LRRIQ1: variants seen among roughly 807,000 people sequenced by gnomAD.
LRRIQ1 encodes the protein leucine-rich repeat- and IQ domain-containing protein 1.
LRRIQ1 carries 210 observed loss-of-function variants against 211.9 expected under a neutral mutation model. That is an observed-to-expected ratio of 0.99 (90% CI 0.89 to 1.11). LRRIQ1 has a LOEUF of 1.11. Among genes scored for constraint, LRRIQ1 ranks in the 50% most tolerant of loss-of-function variants. The probability of loss-of-function intolerance (pLI) is 0.00; values close to 1 mark genes in which losing one functional copy is unlikely to be tolerated. For synonymous variants in LRRIQ1, 699 were observed against 650.1 expected, an observed-to-expected ratio of 1.08 and a Z score of -1.14; for missense variants, 2,136 against 1,939.5, an observed-to-expected ratio of 1.10 and a Z score of -1.90.
intron 1 of LRRIQ1, among the ~76,000 whole-genome samples, chr12:85,256,009 G>A (rs2137316674): frequency 6.6e-6 from 1 of 151,662 alleles, no homozygotes; most frequent in African/African-American, 2.4e-5. Context: ...TTAACAACTT[G>A]TTACTATCCT....
At chr12:85,104,878 G>T (rs1260402029) in intron 14 of LRRIQ1, among the ~76,000 whole-genome samples, 1 of 152,036 alleles carries the variant, frequency 6.6e-6, no homozygotes, top group African/African-American at 2.4e-5. Context: ...TTCCAAAGTA[G>T]TTGGAACATT....
intron 11 of LRRIQ1, among the ~76,000 whole-genome samples, chr12:85,078,933 CAA>C (rs948591738): frequency 2.6e-5 from 4 of 152,104 alleles, no homozygotes; most frequent in African/African-American, 9.7e-5. Flanking sequence ...GTTTTCTAAA[CAA>C]AGAGTTATAC....
At position 85,179,961 on chromosome 12, in the gene LRRIQ1, C is replaced by T. The variant is rs1315534837; in HGVS notation, c.4822+19247C>T. ...AACATAGTAGCTGTATTAGATTCAT[C>T]TATACTAGGCACTCAATAAGTGTTT... On this transcript the variant is annotated intron_variant, in intron 24 of 26. Transcript: ENST00000393217. Among the ~76,000 whole-genome samples, 4 of 152,048 alleles carry T rather than the reference C, an allele frequency of 2.6e-5. No individual in the cohort carries two copies. In the South Asian group the frequency reaches 8.3e-4, roughly 32 times the overall value.
chr12:85,079,855 A>G (rs1884081076), intron 11 of LRRIQ1, among the ~76,000 whole-genome samples: 1 of 151,766 alleles, frequency 6.6e-6, no homozygotes, highest in South Asian at 2.1e-4. Context: ...TTATTTTTCT[A>G]TTCTTTTAGG....
intron 23 of LRRIQ1, among the ~76,000 whole-genome samples, chr12:85,156,457 C>T (rs1890549910): frequency 6.6e-6 from 1 of 151,730 alleles, no homozygotes; most frequent in African/African-American, 2.4e-5. Context: ...GAACTTATTT[C>T]ATTTTGTATC....
intron 24 of LRRIQ1, among the ~76,000 whole-genome samples, chr12:85,213,368 G>A (rs1301691733): frequency 6.6e-6 from 1 of 151,858 alleles, no homozygotes; most frequent in African/African-American, 2.4e-5. Context: ...CTAAGAAGTA[G>A]CAAATTCCAC....
chr12:85,092,699 A>C (rs1885515268), intron 11 of LRRIQ1, among the ~76,000 whole-genome samples: 1 of 152,208 alleles, frequency 6.6e-6, no homozygotes, highest in Non-Finnish European at 1.5e-5. Flanking sequence ...TGTCACATGG[A>C]GACCAAGCAC....
At position 85,150,058 on chromosome 12, in the gene LRRIQ1, G is replaced by A. The variant is rs140206911; in HGVS notation, c.4330-2222G>A. Among the ~76,000 whole-genome samples, 107 of 151,794 alleles carry A rather than the reference G, an allele frequency of 7.0e-4. 1 individual carries two copies. Among genetic ancestry groups the A allele is most frequent in the Middle Eastern group, 3.4e-3 (1 of 294 alleles). ...TCCTGCTGAAGAGAGAAAACAGCTG[G>A]ATTTCTAGAGAATATAAAAAGTAGA... On this transcript the variant is annotated intron_variant, in intron 19 of 26. Coordinates refer to ENST00000393217, the MANE Select transcript of LRRIQ1 (RefSeq NM_001079910.2).
chr12:85,087,263 G>T (rs1592768331), intron 11 of LRRIQ1, among the ~76,000 whole-genome samples: 2 of 152,082 alleles, frequency 1.3e-5, no homozygotes. Flanking sequence ...CCCTACAAAG[G>T]ACATGAACTC....
At chr12:85,076,479 A>C (rs1361785803) in intron 11 of LRRIQ1, 2 of 234,102 alleles carry the variant, frequency 8.5e-6, no homozygotes, top group Non-Finnish European at 1.4e-5. Context: ...CAATTTATAA[A>C]TTTCACATCA....
intron 26 of LRRIQ1, among the ~76,000 whole-genome samples, chr12:85,239,792 A>G (rs1895381026): frequency 6.6e-6 from 1 of 152,040 alleles, no homozygotes; most frequent in Non-Finnish European, 1.5e-5. Flanking sequence ...AGCCTGGTCA[A>G]CATGATGAAA....
rs750032687 is a variant in LRRIQ1, at chr12:85,040,582, G to A, written c.225G>A (p.Leu75=). ...KAVEELILQD[L]EDTDILSCSY... ...TTGAAGAGCTCATTCTTCAGGACCT[G>A]GAAGATACTGATATTTTAAGTAAGT... Residue 75 remains leucine, a synonymous_variant, in exon 3 of 27, where the codon CTG becomes CTA. Coordinates refer to ENST00000393217, the MANE Select transcript of LRRIQ1 (RefSeq NM_001079910.2). 6.3e-6 allele frequency: 10 copies of A among 1,583,396 alleles called. No individual in the cohort carries two copies. The Admixed American group carries it at 8.5e-5, about 13-fold the overall frequency.
At chr12:85,171,792 T>C (rs1259462164) in intron 24 of LRRIQ1, among the ~76,000 whole-genome samples, 1 of 152,106 alleles carries the variant, frequency 6.6e-6, no homozygotes, top group Non-Finnish European at 1.5e-5. Context: ...CAAGCACATA[T>C]GAAGAGAAGG....
rs574123074 is a variant in LRRIQ1, at chr12:85,041,874, T to C, written c.244+1273T>C. ...GACATGAAGAAATATGGTCATATTC[T>C]GGACATTATTTTAAGGTAGAAAGAG... On this transcript the variant is annotated intron_variant, in intron 3 of 26. Transcript: ENST00000393217. Among the ~76,000 whole-genome samples, 29 of 151,964 alleles carry C rather than the reference T, an allele frequency of 1.9e-4. No individual in the cohort carries two copies. In the South Asian group the frequency reaches 5.4e-3, roughly 28 times the overall value.
chr12:85,246,398 A>G (rs2137283345), downstream of LRRIQ1, among the ~76,000 whole-genome samples: 1 of 151,480 alleles, frequency 6.6e-6, no homozygotes, highest in African/African-American at 2.4e-5. Flanking sequence ...ATTGCATATT[A>G]CAAACTCATA....
At chr12:85,085,799 A>G (rs1410154944) in intron 11 of LRRIQ1, among the ~76,000 whole-genome samples, 1 of 152,136 alleles carries the variant, frequency 6.6e-6, no homozygotes, top group Non-Finnish European at 1.5e-5. Flanking sequence ...GTAGTATTCC[A>G]TGGTGTGTAT....
chr12:85,225,396 A>C (rs1894602482), intron 24 of LRRIQ1, among the ~76,000 whole-genome samples: 1 of 152,162 alleles, frequency 6.6e-6, no homozygotes, highest in South Asian at 2.1e-4. Flanking sequence ...AAACAGCTAC[A>C]AGTAAATGCC....
intron 19 of LRRIQ1, among the ~76,000 whole-genome samples, chr12:85,140,220 C>T (rs1409688992): frequency 6.6e-6 from 1 of 151,152 alleles, no homozygotes; most frequent in African/African-American, 2.4e-5. Flanking sequence ...CACAACAAAC[C>T]TCAATGTGGA....
intron 24 of LRRIQ1, among the ~76,000 whole-genome samples, chr12:85,190,136 TTA>T (rs1267811676): frequency 7.0e-6 from 1 of 143,276 alleles, no homozygotes; most frequent in Non-Finnish European, 1.5e-5. Flanking sequence ...TATATTATAT[TTA>T]TATATAATAT....
Sources: gnomAD v4.1 joint callset for allele counts (sites outside exome capture counted in the v4.1 genomes callset) on GRCh38, gnomAD v4.1.1 for gene constraint, MANE v1.5 for transcripts, NCBI Gene and HGNC (gene_info 2026-07-23, HGNC 2026-07-21) for gene names.